LRRIQ3: variants seen among roughly 807,000 people sequenced by gnomAD.
LRRIQ3 encodes the protein leucine-rich repeat and IQ domain-containing protein 3.
A neutral mutation model predicts 59.3 loss-of-function variants in LRRIQ3; 75 were observed. The observed-to-expected ratio is 1.26, with a 90% CI of 1.05 to 1.53. The LOEUF is 1.53. LRRIQ3 is among the 40% of genes most tolerant of loss of function. LRRIQ3 has a pLI of 0.00. For synonymous variants in LRRIQ3, 250 were observed against 231.3 expected, an observed-to-expected ratio of 1.08 and a Z score of -0.73; for missense variants, 831 against 710.0, an observed-to-expected ratio of 1.17 and a Z score of -1.94.
At chr1:74,066,193 A>C (rs1654861910) in intron 6 of LRRIQ3, among the ~76,000 whole-genome samples, 1 of 151,828 alleles carries the variant, frequency 6.6e-6, no homozygotes, top group African/African-American at 2.4e-5. Context: ...TCTCGAAAAA[A>C]AAAAAAAAAA....
chr1:74,087,670 C>A (rs1201689583), intron 5 of LRRIQ3, among the ~76,000 whole-genome samples: 1 of 151,926 alleles, frequency 6.6e-6, no homozygotes, highest in Non-Finnish European at 1.5e-5. Context: ...ATACTTATAT[C>A]TATAAATTTG....
chr1:74,096,271 G>T (rs1646447907), intron 5 of LRRIQ3, among the ~76,000 whole-genome samples: 1 of 151,990 alleles, frequency 6.6e-6, no homozygotes, highest in Non-Finnish European at 1.5e-5. Flanking sequence ...GAATCAAAAA[G>T]GAAAATACTG....
chr1:74,155,925 T>C (rs1557644157), intron 3 of LRRIQ3, 59 bp from the exon 4 acceptor site: 2 of 985,668 alleles, frequency 2.0e-6, no homozygotes, highest in Non-Finnish European at 2.8e-6. Flanking sequence ...TTTCAAAAGA[T>C]ATTTTAAATT....
At position 74,182,701 on chromosome 1, in the gene LRRIQ3, T is replaced by C; in HGVS notation, c.410A>G (p.Lys137Arg). The change falls in exon 3 of 8, where the codon AAA (lysine) becomes AGA (arginine). Residue 137 changes from lysine to arginine, a missense_variant. Lys to Arg is a conservative substitution (Grantham distance 26, BLOSUM62 2). Coordinates refer to ENST00000354431, the MANE Select transcript of LRRIQ3 (RefSeq NM_001105659.2). ...LTMFDCPVSL[K>R]KGYRHVLVNS... ...AACAAGAACATGTCTATATCCTTTT[T>C]TAAGGCTTACTGGACAATCAAACAT... The C allele has an allele frequency of 6.2e-7, 1 of 1,612,690 alleles. No individual in the cohort carries two copies. Among genetic ancestry groups the C allele is most frequent in the Non-Finnish European group, 8.5e-7 (1 of 1,179,012 alleles).
Position 74,074,761 on chromosome 1 carries a change from AT to A in LRRIQ3, c.896del (p.Asn299IlefsTer16). 1 of 1,404,692 alleles carries A rather than the reference AT, an allele frequency of 7.1e-7. No individual in the cohort carries two copies. Among genetic ancestry groups the A allele is most frequent in the Non-Finnish European group, 9.6e-7 (1 of 1,040,648 alleles). The allele number at this position is 1,404,692 out of a possible 1,614,324, so 87.0% of individuals were successfully genotyped here. ...ACACATGTTTTCTGTGTTCACTGGA[AT>A]TTTTTAAATCAACAGGATAATATAT... is the stretch of plus-strand genomic sequence containing the variant. The part of the protein sequence containing the change: ...HNIYYPVDLK[N>X]SSEHRKHVSS... On this transcript the variant is annotated frameshift_variant, in exon 6 of 8. Coordinates refer to ENST00000354431, the MANE Select transcript of LRRIQ3 (RefSeq NM_001105659.2). LOFTEE classifies it high-confidence loss of function.
At chr1:74,103,937 T>C (rs1196421936) in intron 5 of LRRIQ3, among the ~76,000 whole-genome samples, 1 of 151,934 alleles carries the variant, frequency 6.6e-6, no homozygotes, top group African/African-American at 2.4e-5. Flanking sequence ...GCCAGCTACA[T>C]AGACTGTGAT....
intron 3 of LRRIQ3, among the ~76,000 whole-genome samples, chr1:74,160,532 A>G (rs936878802): frequency 3.3e-5 from 5 of 151,776 alleles, no homozygotes; most frequent in African/African-American, 4.8e-5. Flanking sequence ...CTTCTCCTTT[A>G]TTTGCTTTAA....
chr1:74,059,116 T>TTATC (rs1654625513), intron 6 of LRRIQ3, among the ~76,000 whole-genome samples: 1 of 100,058 alleles, frequency 1.0e-5, no homozygotes, highest in Non-Finnish European at 2.4e-5. Flanking sequence ...GATATGTTAT[T>TTATC]TGCAAATATT....
intron 6 of LRRIQ3, among the ~76,000 whole-genome samples, chr1:74,045,960 A>C (rs1654190473): frequency 6.6e-6 from 1 of 152,152 alleles, no homozygotes; most frequent in South Asian, 2.1e-4. Flanking sequence ...ATAAGAGAGG[A>C]CACAAACAAA....
intron 4 of LRRIQ3, among the ~76,000 whole-genome samples, chr1:74,114,754 A>C (rs1018540492): frequency 6.6e-6 from 1 of 151,324 alleles, no homozygotes; most frequent in African/African-American, 2.4e-5. Context: ...AAAAAAATGC[A>C]CCAAGAAAAT....
intron 4 of LRRIQ3, among the ~76,000 whole-genome samples, chr1:74,141,590 A>C (rs890094888): frequency 3.9e-5 from 6 of 151,916 alleles, no homozygotes; most frequent in African/African-American, 1.2e-4. Flanking sequence ...TTATTTATTA[A>C]GATCTGGTAT....
At chr1:74,121,009 G>T (rs1557625149) in intron 4 of LRRIQ3, among the ~76,000 whole-genome samples, 1 of 152,104 alleles carries the variant, frequency 6.6e-6, no homozygotes, top group African/African-American at 2.4e-5. Flanking sequence ...TTATTACCCT[G>T]TCATGTATTA....
At chr1:74,180,660 G>T (rs1649921062) in intron 3 of LRRIQ3, 2 of 1,497,796 alleles carry the variant, frequency 1.3e-6, no homozygotes, top group Non-Finnish European at 1.8e-6. Context: ...TCTCTGCACT[G>T]TCTGTCATTT....
intron 4 of LRRIQ3, among the ~76,000 whole-genome samples, chr1:74,110,373 T>C (rs1463555256): frequency 6.6e-6 from 1 of 151,934 alleles, no homozygotes; most frequent in Admixed American, 6.6e-5. Flanking sequence ...AAGCAAAGAA[T>C]AATAACACTA....
intron 5 of LRRIQ3, among the ~76,000 whole-genome samples, chr1:74,089,569 C>T (rs1646371959): frequency 2.0e-5 from 3 of 151,992 alleles, no homozygotes; most frequent in South Asian, 4.1e-4. Context: ...AAACATTATA[C>T]TAAGTGGAAG....
intron 4 of LRRIQ3, among the ~76,000 whole-genome samples, chr1:74,115,614 G>C (rs1354960435): frequency 6.6e-6 from 1 of 152,142 alleles, no homozygotes; most frequent in Non-Finnish European, 1.5e-5. Context: ...TGGCTGGACA[G>C]TGTGAGACAG....
chr1:74,182,143 A>G (rs972969623), intron 3 of LRRIQ3: 3 of 152,082 alleles, frequency 2.0e-5, no homozygotes, highest in African/African-American at 7.2e-5. Flanking sequence ...TTATCTTGTC[A>G]AATAACCAAA....
chr1:74,029,432 C>G (rs1002841507), intron 7 of LRRIQ3, among the ~76,000 whole-genome samples: 1 of 151,972 alleles, frequency 6.6e-6, no homozygotes, highest in African/African-American at 2.4e-5. Flanking sequence ...TGTCAAAGGC[C>G]TTTTCTGCAT....
chr1:74,169,362 T>C (rs908985841), intron 3 of LRRIQ3, among the ~76,000 whole-genome samples: 5 of 152,128 alleles, frequency 3.3e-5, no homozygotes, highest in Non-Finnish European at 7.4e-5. Context: ...CCATTATGAA[T>C]AATGTTACAA....
Sources: gnomAD v4.1 joint callset for allele counts (sites outside exome capture counted in the v4.1 genomes callset) on GRCh38, gnomAD v4.1.1 for gene constraint, MANE v1.5 for transcripts, NCBI Gene and HGNC (gene_info 2026-07-23, HGNC 2026-07-21) for gene names.